The following ANKRA2 variants were observed in gnomAD, a reference collection of about 807,000 sequenced individuals.
ANKRA2 encodes the protein ankyrin repeat family A protein 2.
Under a neutral mutation model 37.8 loss-of-function variants are expected in ANKRA2, and 33 were observed. That is an observed-to-expected ratio of 0.87 (90% confidence interval 0.66 to 1.17). The LOEUF (loss-of-function observed/expected upper bound fraction) is 1.17, where lower values mean the gene tolerates loss of function less well. Among genes scored for constraint, ANKRA2 ranks in the 50% most tolerant of loss-of-function variants. The probability of loss-of-function intolerance (pLI) is 0.00; values close to 1 mark genes in which losing one functional copy is unlikely to be tolerated. For synonymous variants in ANKRA2, 126 were observed against 132.3 expected (o/e 0.95, Z 0.33); for missense variants, 326 against 373.7 (o/e 0.87, Z 1.05).
At position 73,554,401 on chromosome 5, in the gene ANKRA2, A is replaced by T; in HGVS notation, c.739-13T>A. On this transcript the variant is annotated splice_polypyrimidine_tract_variant and intron_variant, in intron 6 of 8. Coordinates refer to ENST00000296785, the MANE Select transcript of ANKRA2 (RefSeq NM_023039.5). ...GTGTTCCTCCATTCTGCAAAATGAA[A>T]AGGTGATTCAGAGTTTTTCACGGTG... 6.3e-7 allele frequency: 1 copy of T among 1,598,868 alleles called. No homozygotes were observed. Among genetic ancestry groups the T allele is most frequent in the Non-Finnish European group, 8.6e-7 (1 of 1,167,156 alleles).
chr5:73,552,547 C>T lies in ANKRA2; in HGVS notation c.*250G>A, dbSNP rs542138721. On this transcript the variant is annotated 3_prime_UTR_variant, in exon 9 of 9. Coordinates refer to ENST00000296785, the MANE Select transcript of ANKRA2 (RefSeq NM_023039.5). ...CACTTGATACAAAGACTGATGATAA[C>T]TATCTGTACCATAAAAATTTACATG... is the stretch of plus-strand genomic sequence containing the variant. 8 of 366,510 alleles carry T rather than the reference C, an allele frequency of 2.2e-5. No individual in the cohort carries two copies. The highest frequency in any genetic ancestry group is 1.2e-4 in the East Asian group (2 of 16,912). 22.7% of individuals were successfully genotyped at this position (366,510 alleles called of 1,614,324 possible).
At position 73,562,955 on chromosome 5, in the gene ANKRA2, G is replaced by A. The variant is rs1747596323; in HGVS notation, c.-74C>T. 7.5e-7 allele frequency: 1 copy of A among 1,341,876 alleles called. No homozygotes were observed. Among genetic ancestry groups the A allele is most frequent in the East Asian group, 2.4e-5 (1 of 42,390 alleles). 83.1% of individuals were successfully genotyped at this position (1,341,876 alleles called of 1,614,324 possible). A position where few individuals can be genotyped will look rare whatever the true frequency, so the allele number is the denominator to read the frequency against. On this transcript the variant is annotated 5_prime_UTR_variant, in exon 2 of 9. Transcript: ENST00000296785. ...CTTGGTTTTGTAAGAGCAGTATCCA[G>A]TGTGTTCTTGGAATCTGGATATTTA... is the stretch of plus-strand genomic sequence containing the variant.
chr5:73,558,649 C>T (rs1003370247), intron 3 of ANKRA2, among the ~76,000 whole-genome samples: 2 of 152,196 alleles, frequency 1.3e-5, no homozygotes, highest in Non-Finnish European at 2.9e-5. Context: ...ATCCTCCTGC[C>T]TCAGTGCCCC....
chr5:73,555,376 C>CT (rs1319616840), intron 5 of ANKRA2, 112 bp downstream of exon 5: 2 of 1,468,106 alleles, frequency 1.4e-6, no homozygotes, highest in African/African-American at 1.4e-5. Context: ...AAGCATTAAA[C>CT]TTTTTTTGGT....
chr5:73,555,029 A>G (rs903815596), intron 5 of ANKRA2, 43 bp from the exon 6 acceptor site: 1 of 1,589,566 alleles, frequency 6.3e-7, no homozygotes. Flanking sequence ...AATTAGTTTA[A>G]ACAAGAATAT....
intron 8 of ANKRA2, 91 bp downstream of exon 8, chr5:73,553,315 G>T: frequency 1.1e-6 from 1 of 936,734 alleles, no homozygotes; most frequent in Non-Finnish European, 1.6e-6. Flanking sequence ...ACATGTTTTA[G>T]GATTACAGTG....
chr5:73,552,557 C>G lies in ANKRA2; in HGVS notation c.*240G>C, dbSNP rs952374574. 5 of 386,148 alleles carry G rather than the reference C, an allele frequency of 1.3e-5. No homozygotes were observed. The highest frequency in any genetic ancestry group is 8.6e-5 in the African/African-American group (4 of 46,614). 23.9% of individuals were successfully genotyped at this position (386,148 alleles called of 1,614,324 possible). Reference sequence around the variant, plus strand: ...AAAGACTGATGATAACTATCTGTACCATAAAAATTTACATGCCACGAAAAC... The same window carrying G: ...AAAGACTGATGATAACTATCTGTACGATAAAAATTTACATGCCACGAAAAC... On this transcript the variant is annotated 3_prime_UTR_variant, in exon 9 of 9. Transcript: ENST00000296785.
intron 7 of ANKRA2, 70 bp from the exon 8 acceptor site, chr5:73,553,556 G>T: frequency 7.7e-7 from 1 of 1,292,898 alleles, no homozygotes; most frequent in Non-Finnish European, 1.1e-6. Flanking sequence ...ATTGGCTCAT[G>T]TACAAATAGC....
chr5:73,562,682 C>T lies in ANKRA2; in HGVS notation c.200G>A (p.Arg67Gln), dbSNP rs1242941409. The T allele has an allele frequency of 6.2e-6, 10 of 1,614,134 alleles. No individual in the cohort carries two copies. The highest frequency in any genetic ancestry group is 2.2e-5 in the East Asian group (1 of 44,880). The change falls in exon 2 of 9, where the codon CGA becomes CAA. Residue 67 changes from arginine (R) to glutamine (Q), a missense_variant. Physicochemically the swap from Arg to Gln is conservative, Grantham distance 43. Around this residue, in one of 3 missense-constraint regions of ANKRA2, gnomAD observed 93 missense variants for 91.1 expected, o/e 1.02. Transcript: ENST00000296785. Reference protein sequence around the residue: ...PNRFDMNVCSRFVKSLNEEDS... With the variant: ...PNRFDMNVCSQFVKSLNEEDS... ...TTCTTCATTTAAGGACTTCACAAAT[C>T]GAGAACACACATTCATATCAAATCG...
chr5:73,560,072 A>G (rs1747506396), intron 3 of ANKRA2, among the ~76,000 whole-genome samples: 1 of 152,140 alleles, frequency 6.6e-6, no homozygotes, highest in Admixed American at 6.5e-5. Flanking sequence ...CCCCACATGA[A>G]ATATTTAAAA....
Position 73,552,826 on chromosome 5 carries a change from A to C in ANKRA2, c.913T>G (p.Leu305Val), listed in dbSNP as rs1747289044. 6.2e-7 allele frequency: 1 copy of C among 1,607,572 alleles called. No individual in the cohort carries two copies. Among genetic ancestry groups the C allele is most frequent in the African/African-American group, 1.3e-5 (1 of 74,760 alleles). Residue 305 changes from leucine (L) to valine (V), a missense_variant, in exon 9 of 9, where the codon TTG becomes GTG. Physicochemically the swap from Leu to Val is conservative, Grantham distance 32 (BLOSUM62 1). This residue lies in a region of ANKRA2 where 228 missense variants were observed against 260.2 expected (regional missense o/e 0.88). Transcript: ENST00000296785. ...SVQQVIESHL[L>V]KLLQNIKE ...TCCTTGATATTTTGAAGCAGCTTCA[A>C]CAAATGTGACTCAATAACCTGTTGA... is the stretch of plus-strand genomic sequence containing the variant.
In ANKRA2 at chr5:73,562,798, T is replaced by C; in HGVS notation, c.84A>G (p.Pro28=). 6.2e-7 allele frequency: 1 copy of C among 1,614,208 alleles called. No individual in the cohort carries two copies. Among genetic ancestry groups the C allele is most frequent in the Non-Finnish European group, 8.5e-7 (1 of 1,180,030 alleles). ...CCAGTGGATGTTCTATTTTAATGTC[T>C]GGCATGCCAGTTAGGCTATAAGTGC... ...CPSTYSLTGM[P]DIKIEHPLDP... Residue 28 remains proline, a synonymous_variant, in exon 2 of 9, where the codon CCA becomes CCG. Transcript: ENST00000296785.
chr5:73,565,558 G>T lies in ANKRA2; in HGVS notation c.-531C>A. 1.1e-5 allele frequency: 2 copies of T among 187,604 alleles called. No homozygotes were observed. The highest frequency in any genetic ancestry group is 2.3e-5 in the Non-Finnish European group (2 of 87,066). The allele number at this position is 187,604 out of a possible 1,614,324, so 11.6% of individuals were successfully genotyped here. A position where few individuals can be genotyped will look rare whatever the true frequency, so the allele number is the denominator to read the frequency against. Reference sequence around the variant, plus strand: ...ATATTTTTGTTTTTGCCGCCTTTACGCTCCGAGGCCCATCCTGCCGGAGTA... The same window carrying T: ...ATATTTTTGTTTTTGCCGCCTTTACTCTCCGAGGCCCATCCTGCCGGAGTA... On this transcript the variant is annotated 5_prime_UTR_variant, in exon 1 of 9. Coordinates refer to ENST00000296785, the MANE Select transcript of ANKRA2 (RefSeq NM_023039.5).
Position 73,565,596 on chromosome 5 carries a change from G to C in ANKRA2, c.-569C>G, listed in dbSNP as rs1248154660. 5.5e-6 allele frequency: 2 copies of C among 366,862 alleles called. No individual in the cohort carries two copies. The highest frequency in any genetic ancestry group is 7.1e-5 in the Admixed American group (2 of 28,062). 22.7% of individuals were successfully genotyped at this position (366,862 alleles called of 1,614,324 possible). On this transcript the variant is annotated 5_prime_UTR_variant, in exon 1 of 9. Coordinates refer to ENST00000296785, the MANE Select transcript of ANKRA2 (RefSeq NM_023039.5). ...TCCTGCCGGAGTACTACACAGACAG[G>C]GTCATTTCAGTTGACGGTTCTGGGT...
At chr5:73,554,227 A>C in intron 7 of ANKRA2, 95 bp downstream of exon 7, 1 of 1,054,716 alleles carries the variant, frequency 9.5e-7, no homozygotes, top group Non-Finnish European at 1.4e-6. Flanking sequence ...ATTTAACAAT[A>C]GTTAATGATT....
At chr5:73,553,923 C>A (rs1310658726) in intron 7 of ANKRA2, among the ~76,000 whole-genome samples, 3 of 152,030 alleles carry the variant, frequency 2.0e-5, no homozygotes, top group African/African-American at 7.2e-5. Context: ...TACAGGCGCC[C>A]ACCTGCCTGG....
intron 3 of ANKRA2, among the ~76,000 whole-genome samples, 172 bp from the exon 4 acceptor site, chr5:73,557,812 C>T (rs1023441498): frequency 1.3e-5 from 2 of 151,994 alleles, no homozygotes; most frequent in African/African-American, 4.8e-5. Flanking sequence ...CGCAGTGGCT[C>T]ATGCCCGTAA....
intron 2 of ANKRA2, among the ~76,000 whole-genome samples, chr5:73,562,319 A>G (rs760167009): frequency 6.6e-6 from 1 of 152,192 alleles, no homozygotes; most frequent in African/African-American, 2.4e-5. Context: ...GCCTGGCCCT[A>G]TGATTTTAAA....
intron 1 of ANKRA2, among the ~76,000 whole-genome samples, chr5:73,564,773 C>G (rs1747671084): frequency 6.6e-6 from 1 of 151,846 alleles, no homozygotes; most frequent in Non-Finnish European, 1.5e-5. Flanking sequence ...TGTGCTTAGG[C>G]GAAGGGGGTG....
Sources: gnomAD v4.1 joint callset for allele counts (sites outside exome capture counted in the v4.1 genomes callset) on GRCh38, gnomAD v4.1.1 for gene constraint, gnomAD v4.1.1 regional missense constraint, MANE v1.5 for transcripts, NCBI Gene and HGNC (gene_info 2026-07-23, HGNC 2026-07-21) for gene names.